The following SUCLG2 variants were observed in gnomAD, a reference collection of about 807,000 sequenced individuals.
The protein encoded by SUCLG2 is succinate--CoA ligase [GDP-forming] subunit beta, mitochondrial.
A neutral mutation model predicts 47.9 loss-of-function variants in SUCLG2; 42 were observed. That is an observed-to-expected ratio of 0.88 (90% CI 0.69 to 1.14). The LOEUF is 1.14. Among genes scored for constraint, SUCLG2 ranks in the 50% most tolerant of loss-of-function variants. SUCLG2 has a pLI of 0.00. For synonymous variants in SUCLG2, 195 were observed against 197.3 expected (o/e 0.99, Z 0.10); for missense variants, 571 against 525.9 (o/e 1.09, Z -0.84).
At chr3:67,533,161 T>C (rs1706447047) in intron 2 of SUCLG2, among the ~76,000 whole-genome samples, 1 of 152,196 alleles carries the variant, frequency 6.6e-6, no homozygotes, top group Non-Finnish European at 1.5e-5. Flanking sequence ...ATGTCTGAAA[T>C]GTTAATCAAA....
chr3:67,398,082 G>A (rs990339911), intron 10 of SUCLG2, among the ~76,000 whole-genome samples: 8 of 150,118 alleles, frequency 5.3e-5, no homozygotes, highest in South Asian at 2.1e-4. Context: ...AGAAAACCTC[G>A]GCATTACCAT....
At chr3:67,473,989 G>A (rs566947146) in intron 9 of SUCLG2, among the ~76,000 whole-genome samples, 1 of 152,254 alleles carries the variant, frequency 6.6e-6, no homozygotes, top group Admixed American at 6.5e-5. Context: ...CAGGCATGGT[G>A]GCTCACGACT....
intron 2 of SUCLG2, among the ~76,000 whole-genome samples, chr3:67,549,293 A>G (rs1160318378): frequency 6.6e-6 from 1 of 152,192 alleles, no homozygotes; most frequent in East Asian, 1.9e-4. Context: ...ATCTTTAACC[A>G]AAAGCTTTTC....
rs1700529700 is a variant in SUCLG2 at position 67,611,696 on chromosome 3, TA to T, written c.85-2101del. Among the ~76,000 whole-genome samples the T allele has an allele frequency of 2.6e-5, 4 of 152,164 alleles. No homozygotes were observed. The South Asian group carries it at 8.3e-4, about 32-fold the overall frequency. The stretch of plus-strand genomic sequence containing the variant: ...TTTGAAAAGAGCATTTGAGGGAGAC[TA>T]AAAACAGCCACAATGTGGTTGTGGT... On this transcript the variant is annotated intron_variant, in intron 1 of 10. Coordinates refer to ENST00000307227, the MANE Select transcript of SUCLG2 (RefSeq NM_003848.4).
At chr3:67,504,535 G>A (rs955195667) in intron 7 of SUCLG2, among the ~76,000 whole-genome samples, 2 of 152,192 alleles carry the variant, frequency 1.3e-5, no homozygotes, top group African/African-American at 2.4e-5. Context: ...GCTTCCAACT[G>A]ATGAAGATGC....
intron 9 of SUCLG2, among the ~76,000 whole-genome samples, chr3:67,448,999 A>G (rs1320634541): frequency 6.6e-6 from 1 of 152,200 alleles, no homozygotes; most frequent in African/African-American, 2.4e-5. Context: ...TTGAATTTGA[A>G]TATTTCTTGC....
At chr3:67,404,407 AAGAG>A (rs1215138306) in intron 9 of SUCLG2, among the ~76,000 whole-genome samples, 2 of 151,044 alleles carry the variant, frequency 1.3e-5, no homozygotes, top group African/African-American at 2.4e-5. Flanking sequence ...ACAAAAGAAT[AAGAG>A]AGAGAGAAAG....
intron 10 of SUCLG2, among the ~76,000 whole-genome samples, chr3:67,392,728 G>C (rs1702418362): frequency 6.6e-6 from 1 of 152,156 alleles, no homozygotes; most frequent in South Asian, 2.1e-4. Flanking sequence ...GTTGGCATTT[G>C]TACTCATAGG....
At chr3:67,393,787 G>A (rs560114822) in intron 10 of SUCLG2, among the ~76,000 whole-genome samples, 10 of 152,254 alleles carry the variant, frequency 6.6e-5, no homozygotes, top group Middle Eastern at 3.4e-3. Context: ...GGGGCAGACT[G>A]ACACCTCACA....
chr3:67,425,022 G>A (rs560610012), intron 9 of SUCLG2, among the ~76,000 whole-genome samples: 2 of 151,862 alleles, frequency 1.3e-5, no homozygotes, highest in South Asian at 2.1e-4. Context: ...ACCCACAATC[G>A]CCTCCCCTTC....
In SUCLG2 at chr3:67,498,123, C is replaced by A; in HGVS notation, c.919+11G>T. On this transcript the variant is annotated intron_variant, in intron 8 of 10. Coordinates refer to ENST00000307227, the MANE Select transcript of SUCLG2 (RefSeq NM_003848.4). ...TCCACAAAGCATTCTTTTGATATAA[C>A]TGCTTCTTACCAAAGCAGGCAATGT... The A allele has an allele frequency of 6.3e-7, 1 of 1,598,634 alleles. No homozygotes were observed. The highest frequency in any genetic ancestry group is 8.5e-7 in the Non-Finnish European group (1 of 1,171,042).
chr3:67,502,327 C>G (rs1480603320), intron 7 of SUCLG2, among the ~76,000 whole-genome samples: 1 of 152,214 alleles, frequency 6.6e-6, no homozygotes, highest in African/African-American at 2.4e-5. Context: ...GCTTTCCTAT[C>G]TTACTATCTA....
intron 2 of SUCLG2, among the ~76,000 whole-genome samples, chr3:67,600,051 T>A (rs946580001): frequency 8.5e-5 from 13 of 152,218 alleles, no homozygotes; most frequent in Non-Finnish European, 1.9e-4. Context: ...CCATATGTAA[T>A]ATTTATTCTG....
At chr3:67,392,525 G>C (rs983389834) in intron 10 of SUCLG2, among the ~76,000 whole-genome samples, 3 of 152,120 alleles carry the variant, frequency 2.0e-5, no homozygotes, top group Admixed American at 1.3e-4. Context: ...TACTATATTT[G>C]GCCCTTTGGG....
intron 6 of SUCLG2, among the ~76,000 whole-genome samples, chr3:67,516,191 A>C (rs536431699): frequency 6.6e-6 from 1 of 152,354 alleles, no homozygotes; most frequent in African/African-American, 2.4e-5. Context: ...GAAAAAAGAA[A>C]AAAACAAATT....
chr3:67,466,791 C>G (rs1363870643), intron 9 of SUCLG2, among the ~76,000 whole-genome samples: 3 of 152,112 alleles, frequency 2.0e-5, no homozygotes, highest in Admixed American at 2.0e-4. Context: ...GTGATAACGA[C>G]AAAATGGATT....
intron 5 of SUCLG2, among the ~76,000 whole-genome samples, chr3:67,519,757 T>C (rs1289609326): frequency 6.6e-6 from 1 of 152,244 alleles, no homozygotes; most frequent in Non-Finnish European, 1.5e-5. Context: ...ATTTTAGTTC[T>C]GAAAACTTAT....
intron 1 of SUCLG2, among the ~76,000 whole-genome samples, chr3:67,653,910 G>A (rs537832557): frequency 5.3e-5 from 8 of 152,194 alleles, no homozygotes; most frequent in Admixed American, 1.3e-4. Context: ...GCGTTTTAGT[G>A]ACAGCCCTGA....
intron 2 of SUCLG2, among the ~76,000 whole-genome samples, chr3:67,539,265 C>T (rs978019674): frequency 4.6e-5 from 7 of 152,022 alleles, no homozygotes; most frequent in East Asian, 1.9e-4. Context: ...GTTTTTAGCA[C>T]GAACCGGTGT....
Sources: allele counts gnomAD v4.1 joint callset (sites outside exome capture counted in the v4.1 genomes callset), GRCh38; gene constraint gnomAD v4.1.1; transcripts MANE v1.5; gene names NCBI Gene and HGNC (gene_info 2026-07-23, HGNC 2026-07-21).